The following MTSS1 variants were observed in gnomAD, a reference collection of about 807,000 sequenced individuals.
MTSS1 encodes the protein MTSS I-BAR domain containing 1.
MTSS1 carries 18 observed loss-of-function variants against 79.0 expected under a neutral mutation model. The ratio of observed to expected loss-of-function variants is 0.23; its 90% CI spans 0.16 to 0.34. The LOEUF (loss-of-function observed/expected upper bound fraction) is 0.34, where lower values mean the gene tolerates loss of function less well. MTSS1 is among the 10% of genes least tolerant of loss of function. The pLI, the probability that MTSS1 is intolerant of heterozygous loss-of-function variation, is 1.00. For synonymous variants in MTSS1, 341 were observed against 368.6 expected (o/e 0.93, Z 0.86); for missense variants, 815 against 986.2 (o/e 0.83, Z 2.33).
chr8:124,569,701 T>A (rs1311798868), intron 6 of MTSS1, among the ~76,000 whole-genome samples: 1 of 152,228 alleles, frequency 6.6e-6, no homozygotes, highest in East Asian at 1.9e-4. Flanking sequence ...CATGTGTGTA[T>A]ACAGCAGGTG....
chr8:124,612,548 CTG>C (rs1049618175), intron 3 of MTSS1, among the ~76,000 whole-genome samples: 7 of 146,738 alleles, frequency 4.8e-5, no homozygotes, highest in Non-Finnish European at 8.9e-5. Flanking sequence ...GCAGGAAAAA[CTG>C]AGATTTTAAA....
chr8:124,565,806 G>T, intron 8 of MTSS1, 47 bp from the exon 9 acceptor site: 1 of 1,464,678 alleles, frequency 6.8e-7, no homozygotes, highest in Non-Finnish European at 9.5e-7. Context: ...GAGAGGGGAA[G>T]CGTTAGCCAT....
intron 6 of MTSS1, among the ~76,000 whole-genome samples, chr8:124,578,917 T>C (rs1352208117): frequency 1.3e-5 from 2 of 152,154 alleles, no homozygotes; most frequent in Non-Finnish European, 2.9e-5. Flanking sequence ...TAAAGAATTA[T>C]TTTTTTCTCT....
intron 3 of MTSS1, among the ~76,000 whole-genome samples, chr8:124,698,571 G>A (rs1207136318): frequency 6.6e-6 from 1 of 150,786 alleles, no homozygotes; most frequent in African/African-American, 2.4e-5. Context: ...GAGTGCAGTG[G>A]CGCGATCTGG....
chr8:124,727,760 C>T lies in MTSS1; in HGVS notation c.72+124G>A. 1 of 821,374 alleles carries T rather than the reference C, an allele frequency of 1.2e-6. No individual in the cohort carries two copies. The highest frequency in any genetic ancestry group is 1.9e-6 in the Non-Finnish European group (1 of 539,684). 50.9% of individuals were successfully genotyped at this position (821,374 alleles called of 1,614,324 possible). A position where few individuals can be genotyped will look rare whatever the true frequency, so the allele number is the denominator to read the frequency against. On this transcript the variant is annotated intron_variant, in intron 1 of 13. Transcript: ENST00000518547. The surrounding 1 kb of genome is among the most constrained non-coding windows in gnomAD (Gnocchi z 4.7). The stretch of plus-strand genomic sequence containing the variant: ...CAGGTGACACTCCGGCCGGGAGCTC[C>T]CGCAGGTGGCCGGTGGCCACACTGC...
intron 3 of MTSS1, among the ~76,000 whole-genome samples, chr8:124,645,344 G>A (rs991345659): frequency 3.9e-5 from 6 of 152,148 alleles, no homozygotes; most frequent in East Asian, 1.9e-4. Flanking sequence ...CTATGATTGC[G>A]CTACTCATTC....
chr8:124,559,230 C>T (rs1400821817), intron 10 of MTSS1, among the ~76,000 whole-genome samples: 3 of 152,142 alleles, frequency 2.0e-5, no homozygotes, highest in South Asian at 2.1e-4. Context: ...GCCCAGGTCC[C>T]CAGGGAGGCC....
At chr8:124,715,890 C>G (rs752847247) in intron 1 of MTSS1, among the ~76,000 whole-genome samples, 7 of 152,188 alleles carry the variant, frequency 4.6e-5, no homozygotes, top group Non-Finnish European at 8.8e-5. Context: ...GCCCTGTCTT[C>G]ATCTGTAAAG....
intron 3 of MTSS1, among the ~76,000 whole-genome samples, chr8:124,650,140 C>T (rs1259011061): frequency 1.3e-5 from 2 of 151,960 alleles, no homozygotes; most frequent in Non-Finnish European, 2.9e-5. Flanking sequence ...AAGCAATTCT[C>T]CTGCCTCAGC....
In MTSS1 at chr8:124,566,880, C is replaced by T. The variant is rs371395825; in HGVS notation, c.726+191G>A. Among the ~76,000 whole-genome samples, 4 of 152,180 alleles carry T rather than the reference C, an allele frequency of 2.6e-5. No individual in the cohort carries two copies. The East Asian group carries it at 5.8e-4, about 22-fold the overall frequency. ...GGAGGAAGTCAGGCTATGTAAAGAG[C>T]TTGGGACAGTGCCTGACACACAATA... On this transcript the variant is annotated intron_variant, in intron 8 of 13. Transcript: ENST00000518547.
At chr8:124,632,279 CAAAAAA>C (rs59976165) in intron 3 of MTSS1, among the ~76,000 whole-genome samples, 1 of 69,172 alleles carries the variant, frequency 1.4e-5, no homozygotes, top group Non-Finnish European at 3.1e-5. Flanking sequence ...GACTCTGTCT[CAAAAAA>C]AAAAAAAAAA....
chr8:124,624,634 G>A (rs553065258), intron 3 of MTSS1, among the ~76,000 whole-genome samples: 155 of 152,308 alleles, frequency 1.0e-3, no homozygotes, highest in African/African-American at 3.7e-3. Context: ...GGAGAAGGCA[G>A]TTTGGTTTGG....
At chr8:124,634,255 G>A (rs985457070) in intron 3 of MTSS1, among the ~76,000 whole-genome samples, 15 of 151,278 alleles carry the variant, frequency 9.9e-5, no homozygotes, top group African/African-American at 2.7e-4. Context: ...GACTACAGGC[G>A]CACACCATCA....
chr8:124,581,314 C>T (rs1185264883), intron 6 of MTSS1, among the ~76,000 whole-genome samples: 2 of 149,198 alleles, frequency 1.3e-5, no homozygotes, highest in Admixed American at 6.7e-5. Flanking sequence ...AAAATCAAGA[C>T]TTCTTAGATT....
chr8:124,590,928 A>G (rs1470415851), intron 4 of MTSS1, among the ~76,000 whole-genome samples: 1 of 152,248 alleles, frequency 6.6e-6, no homozygotes, highest in East Asian at 1.9e-4. Context: ...ATGCAGGAGC[A>G]CAGGCTCTGT....
At chr8:124,563,072 G>T in intron 9 of MTSS1, 80 bp from the exon 10 acceptor site, 1 of 1,250,668 alleles carries the variant, frequency 8.0e-7, no homozygotes. Flanking sequence ...GGAGGAAGGA[G>T]GGGAACAGAT....
intron 3 of MTSS1, among the ~76,000 whole-genome samples, chr8:124,627,882 A>G (rs1815035082): frequency 6.6e-6 from 1 of 152,240 alleles, no homozygotes. Flanking sequence ...GAAAACTAGC[A>G]GTGACTGGTC....
At chr8:124,659,999 T>C (rs2134349757) in intron 3 of MTSS1, among the ~76,000 whole-genome samples, 1 of 152,252 alleles carries the variant, frequency 6.6e-6, no homozygotes, top group African/African-American at 2.4e-5. Flanking sequence ...TGAACTTGAA[T>C]AAGAGCCATA....
chr8:124,675,552 G>A (rs868306444), intron 3 of MTSS1, among the ~76,000 whole-genome samples: 5 of 152,316 alleles, frequency 3.3e-5, no homozygotes, highest in African/African-American at 4.8e-5. Flanking sequence ...ATTCAGAAGC[G>A]TTCAGTGCAT....
Sources: gnomAD v4.1 joint callset for allele counts (sites outside exome capture counted in the v4.1 genomes callset) on GRCh38, gnomAD v4.1.1 for gene constraint, Gnocchi (gnomAD v3.1) non-coding constraint, MANE v1.5 for transcripts, NCBI Gene and HGNC (gene_info 2026-07-23, HGNC 2026-07-21) for gene names.